MTA3: variants seen among roughly 807,000 people sequenced by gnomAD.
The protein encoded by MTA3 is metastasis associated 1 family member 3.
A neutral mutation model predicts 83.5 loss-of-function variants in MTA3; 34 were observed. The observed-to-expected ratio is 0.41, with a 90% CI of 0.31 to 0.54. MTA3 has a LOEUF of 0.54. MTA3 is among the 20% of genes least tolerant of loss of function. The pLI is 0.33. For synonymous variants in MTA3, 303 were observed against 252.7 expected (o/e 1.20, Z -1.89); for missense variants, 761 against 726.4 (o/e 1.05, Z -0.55).
intron 4 of MTA3, among the ~76,000 whole-genome samples, chr2:42,637,793 G>A (rs1687329686): frequency 6.6e-6 from 1 of 152,034 alleles, no homozygotes. Flanking sequence ...ATTATAACCT[G>A]TGTTTCCTTA....
chr2:42,641,693 A>G (rs1214245011), intron 5 of MTA3, among the ~76,000 whole-genome samples: 1 of 152,122 alleles, frequency 6.6e-6, no homozygotes, highest in African/African-American at 2.4e-5. Context: ...TAAAAATACA[A>G]AAATTAGCTG....
intron 4 of MTA3, among the ~76,000 whole-genome samples, chr2:42,633,627 C>A (rs1277445934): frequency 6.6e-6 from 1 of 151,338 alleles, no homozygotes; most frequent in Non-Finnish European, 1.5e-5. Context: ...CGCGGTGGCT[C>A]ATGCCTGTAA....
chr2:42,744,694 G>A (rs901123243), intron 16 of MTA3, among the ~76,000 whole-genome samples: 4 of 152,320 alleles, frequency 2.6e-5, no homozygotes, highest in Admixed American at 2.6e-4. Context: ...AGCAGAGGGA[G>A]CGGATTAGGT....
intron 16 of MTA3, among the ~76,000 whole-genome samples, chr2:42,742,236 T>C (rs1669091479): frequency 6.6e-6 from 1 of 151,984 alleles, no homozygotes; most frequent in East Asian, 1.9e-4. Flanking sequence ...CCTCCTGTGT[T>C]CAAGTAATTC....
chr2:42,662,728 A>T (rs1433454593), intron 8 of MTA3, among the ~76,000 whole-genome samples: 2 of 132,280 alleles, frequency 1.5e-5, no homozygotes, highest in East Asian at 4.3e-4. Context: ...ATATTATATA[A>T]ATACTTTTTT....
Position 42,753,454 on chromosome 2 carries a change from T to C in MTA3, c.*55T>C. 6.5e-7 allele frequency: 1 copy of C among 1,550,078 alleles called. No individual in the cohort carries two copies. Among genetic ancestry groups the C allele is most frequent in the African/African-American group, 1.4e-5 (1 of 73,164 alleles). On this transcript the variant is annotated 3_prime_UTR_variant, in exon 17 of 17. Coordinates refer to ENST00000405094, the MANE Select transcript of MTA3 (RefSeq NM_001330442.2). ...ACTTGCTGCACTGTCCTGCTGATGT[T>C]CACAGCCGTGCCTGGGAAGAAGGCA...
intron 3 of MTA3, among the ~76,000 whole-genome samples, chr2:42,607,423 A>G (rs578137617): frequency 7.9e-5 from 12 of 152,296 alleles, no homozygotes; most frequent in South Asian, 2.1e-4. Context: ...TGTATCGCCC[A>G]GGCTGGAGTG....
At chr2:42,732,038 C>T (rs13424316) in intron 16 of MTA3, among the ~76,000 whole-genome samples, 91,313 of 152,104 alleles carry the variant, frequency 0.6, 29,380 homozygotes, top group African/African-American at 0.84. Flanking sequence ...GTCATGCTGA[C>T]AAAATGACCT....
chr2:42,673,764 T>G (rs967526010), intron 8 of MTA3, among the ~76,000 whole-genome samples: 5 of 152,148 alleles, frequency 3.3e-5, no homozygotes, highest in African/African-American at 1.2e-4. Flanking sequence ...AGCTGGGCCT[T>G]TACAGCCCTG....
At chr2:42,743,722 G>A (rs906576549) in intron 16 of MTA3, among the ~76,000 whole-genome samples, 4 of 152,152 alleles carry the variant, frequency 2.6e-5, no homozygotes, top group African/African-American at 7.2e-5. Context: ...GCTTGAGTCT[G>A]AAATCAGTGA....
At chr2:42,680,533 G>A (rs1270368281) in intron 8 of MTA3, among the ~76,000 whole-genome samples, 1 of 152,116 alleles carries the variant, frequency 6.6e-6, no homozygotes, top group Non-Finnish European at 1.5e-5. Context: ...TGAGAGGTGG[G>A]GAGAAAAACA....
intron 7 of MTA3, 42 bp downstream of exon 7, chr2:42,656,344 A>C: frequency 7.9e-7 from 1 of 1,273,048 alleles, no homozygotes; most frequent in Non-Finnish European, 1.1e-6. Context: ...AAATTTCTTT[A>C]TATAAAAGAA....
intron 8 of MTA3, among the ~76,000 whole-genome samples, chr2:42,671,243 T>A (rs1159860855): frequency 2.0e-5 from 3 of 152,176 alleles, no homozygotes; most frequent in African/African-American, 7.2e-5. Context: ...TCTAGGAGAT[T>A]ATATATTTCC....
intron 8 of MTA3, among the ~76,000 whole-genome samples, chr2:42,676,393 A>G (rs753703008): frequency 6.6e-6 from 1 of 152,222 alleles, no homozygotes. Flanking sequence ...TCCATTCATG[A>G]TTTGAGTGGT....
chr2:42,588,516 CT>C (rs749619892), intron 3 of MTA3, among the ~76,000 whole-genome samples: 1 of 152,098 alleles, frequency 6.6e-6, no homozygotes, highest in Non-Finnish European at 1.5e-5. Flanking sequence ...TCAATTAGGT[CT>C]TCTTTCAGTT....
At chr2:42,607,218 C>T (rs1041611895) in intron 3 of MTA3, among the ~76,000 whole-genome samples, 1 of 152,046 alleles carries the variant, frequency 6.6e-6, no homozygotes, top group East Asian at 1.9e-4. Context: ...TCATTGTTCT[C>T]AAGGGATGCA....
chr2:42,638,900 T>C (rs1024596815), intron 4 of MTA3, among the ~76,000 whole-genome samples: 20 of 152,012 alleles, frequency 1.3e-4, no homozygotes, highest in African/African-American at 4.8e-4. Context: ...TTTTTTTTTT[T>C]TTTAATTTAA....
intron 4 of MTA3, among the ~76,000 whole-genome samples, chr2:42,635,372 A>C (rs557855181): frequency 1.5e-4 from 23 of 152,288 alleles, no homozygotes; most frequent in African/African-American, 5.5e-4. Context: ...TCATGTCTGT[A>C]ATCCCAGCAT....
Position 42,704,318 on chromosome 2 carries a change from G to A in MTA3, c.1150G>A (p.Ala384Thr). 6.2e-7 allele frequency: 1 copy of A among 1,613,648 alleles called. No homozygotes were observed. The highest frequency in any genetic ancestry group is 1.3e-5 in the African/African-American group (1 of 75,030). Residue 384 changes from alanine (A) to threonine (T), a missense_variant and splice_region_variant, in exon 12 of 17, where the codon GCT becomes ACT. Ala to Thr is a moderately conservative substitution (Grantham distance 58, BLOSUM62 0). Transcript: ENST00000405094. ...LLGRACESCY[A>T]TQSHQWYSWG... ...AGGGAGAGCCTGTGAGAGCTGCTAT[G>A]GTAAGTTTTCTCTAGCAGGTCAGTT...
Sources: gnomAD v4.1 joint callset for allele counts (sites outside exome capture counted in the v4.1 genomes callset) on GRCh38, gnomAD v4.1.1 for gene constraint, MANE v1.5 for transcripts, NCBI Gene and HGNC (gene_info 2026-07-23, HGNC 2026-07-21) for gene names.